AGBL4: variants seen among roughly 807,000 people sequenced by gnomAD.
AGBL4 encodes the protein AGBL carboxypeptidase 4.
A neutral mutation model predicts 66.4 loss-of-function variants in AGBL4; 58 were observed. The ratio of observed to expected loss-of-function variants is 0.87; its 90% CI spans 0.71 to 1.09. AGBL4 has a LOEUF of 1.09. Among genes scored for constraint, AGBL4 ranks in the 50% least tolerant of loss-of-function variants. The pLI, the probability that AGBL4 is intolerant of heterozygous loss-of-function variation, is 0.00. For synonymous variants in AGBL4, 234 were observed against 222.9 expected, an observed-to-expected ratio of 1.05 and a Z score of -0.44; for missense variants, 579 against 631.0, an observed-to-expected ratio of 0.92 and a Z score of 0.88.
chr1:49,768,340 C>A (rs1367601837), intron 2 of AGBL4, among the ~76,000 whole-genome samples: 1 of 152,202 alleles, frequency 6.6e-6, no homozygotes, highest in Non-Finnish European at 1.5e-5. Flanking sequence ...TTCAAGTAGG[C>A]TTTATTCCTG....
intron 3 of AGBL4, among the ~76,000 whole-genome samples, chr1:49,666,921 A>G (rs1247511940): frequency 6.6e-6 from 1 of 152,078 alleles, no homozygotes; most frequent in East Asian, 1.9e-4. Context: ...GCACTTTACT[A>G]TAATTGTCTC....
chr1:49,970,757 A>ACAAAC lies in AGBL4; in HGVS notation c.34+53005_34+53006insGTTTG, dbSNP rs1557629112. The stretch of plus-strand genomic sequence containing the variant: ...CACACACACACACACATACACAAAC[A>ACAAAC]AAAAAAAAAAACAGAACGGTGCCCA... On this transcript the variant is annotated intron_variant, in intron 1 of 13. Transcript: ENST00000371839. Among the ~76,000 whole-genome samples, 33 of 8,636 alleles carry ACAAAC rather than the reference A, an allele frequency of 3.8e-3. 1 individual carries two copies. The highest frequency in any genetic ancestry group is 0.017 in the South Asian group (3 of 176). The allele number at this position is 8,636 out of a possible 152,430, so 5.7% of individuals were successfully genotyped here. A position where few individuals can be genotyped will look rare whatever the true frequency, so the allele number is the denominator to read the frequency against.
chr1:48,765,555 G>A (rs142900736), intron 6 of AGBL4, among the ~76,000 whole-genome samples: 6 of 152,210 alleles, frequency 3.9e-5, no homozygotes, highest in East Asian at 1.9e-4. Flanking sequence ...CAGCAATTCC[G>A]CTCCTGGGTG....
At chr1:48,983,547 A>T (rs1007555104) in intron 5 of AGBL4, among the ~76,000 whole-genome samples, 1 of 152,238 alleles carries the variant, frequency 6.6e-6, no homozygotes, top group East Asian at 1.9e-4. Flanking sequence ...GGGGAAAAAA[A>T]CCTTATCCTA....
intron 3 of AGBL4, among the ~76,000 whole-genome samples, chr1:49,304,434 G>C (rs1644813004): frequency 6.6e-6 from 1 of 152,178 alleles, no homozygotes; most frequent in African/African-American, 2.4e-5. Context: ...AGAGGTATTA[G>C]ACTGGACTAC....
intron 3 of AGBL4, among the ~76,000 whole-genome samples, chr1:49,253,559 G>A (rs1652239052): frequency 6.6e-6 from 1 of 152,080 alleles, no homozygotes; most frequent in African/African-American, 2.4e-5. Context: ...AAAAGCTGGG[G>A]ACCAGATGGA....
chr1:48,737,623 CTT>C (rs1323384924), intron 6 of AGBL4, among the ~76,000 whole-genome samples: 1 of 152,206 alleles, frequency 6.6e-6, no homozygotes, highest in Non-Finnish European at 1.5e-5. Context: ...AAAACACAAT[CTT>C]ATGCTCCCTA....
chr1:49,436,103 T>G (rs1468533613), intron 3 of AGBL4, among the ~76,000 whole-genome samples: 1 of 152,120 alleles, frequency 6.6e-6, no homozygotes, highest in East Asian at 1.9e-4. Flanking sequence ...GATCAAGGAT[T>G]GCAACAGATA....
intron 4 of AGBL4, among the ~76,000 whole-genome samples, chr1:49,140,457 A>G (rs936085054): frequency 6.6e-6 from 1 of 152,216 alleles, no homozygotes; most frequent in Admixed American, 6.5e-5. Context: ...TGCCCCAGGA[A>G]AACAACCCAA....
intron 4 of AGBL4, among the ~76,000 whole-genome samples, chr1:49,211,963 T>C (rs1209804285): frequency 2.0e-5 from 3 of 152,074 alleles, no homozygotes; most frequent in Admixed American, 2.0e-4. Flanking sequence ...ACATGTATTA[T>C]CACATGTGAT....
chr1:49,374,627 G>A (rs767269411), intron 3 of AGBL4, among the ~76,000 whole-genome samples: 11 of 152,018 alleles, frequency 7.2e-5, no homozygotes, highest in Non-Finnish European at 1.3e-4. Flanking sequence ...GAATTTAGTC[G>A]AGTAGGAATC....
intron 3 of AGBL4, among the ~76,000 whole-genome samples, chr1:49,580,066 CT>C (rs1265402197): frequency 2.0e-5 from 3 of 151,920 alleles, no homozygotes; most frequent in African/African-American, 7.3e-5. Flanking sequence ...ATATAATAAC[CT>C]TCTTTGTCTT....
chr1:49,515,310 C>G lies in AGBL4; in HGVS notation c.282+182003G>C, dbSNP rs370062593. 2.2e-4 allele frequency among the ~76,000 whole-genome samples: 33 copies of G among 152,086 alleles called. 1 individual carries two copies. The highest frequency in any genetic ancestry group is 5.5e-4 in the African/African-American group (23 of 41,544). On this transcript the variant is annotated intron_variant, in intron 3 of 13. Transcript: ENST00000371839. Reference sequence around the variant, plus strand: ...AAATGCTCATCATCACTGGCCATCACAGAAATGCAAATCAAAACCACAATG... The same window carrying G: ...AAATGCTCATCATCACTGGCCATCAGAGAAATGCAAATCAAAACCACAATG...
At chr1:49,391,037 C>G (rs376453142) in intron 3 of AGBL4, among the ~76,000 whole-genome samples, 1 of 152,024 alleles carries the variant, frequency 6.6e-6, no homozygotes, top group African/African-American at 2.4e-5. Context: ...AGATGAAATT[C>G]TTAGAAAAGA....
At chr1:49,962,218 T>G (rs965265394) in intron 1 of AGBL4, among the ~76,000 whole-genome samples, 2 of 152,116 alleles carry the variant, frequency 1.3e-5, no homozygotes, top group African/African-American at 4.8e-5. Flanking sequence ...ATAGAGTGCA[T>G]GAATTTCATG....
At position 48,733,885 on chromosome 1, in the gene AGBL4, G is replaced by A. The variant is rs529734123; in HGVS notation, c.635-70644C>T. On this transcript the variant is annotated intron_variant, in intron 6 of 13. Coordinates refer to ENST00000371839, the MANE Select transcript of AGBL4 (RefSeq NM_032785.4). ...CACTATGTTTGGAAATGAGGCCACA[G>A]AGATGAATCAGATACAGTCCCCAGA... is the stretch of plus-strand genomic sequence containing the variant. Among the ~76,000 whole-genome samples the A allele has an allele frequency of 3.9e-5, 6 of 152,314 alleles. No homozygotes were observed. In the South Asian group the frequency reaches 1.2e-3, roughly 32 times the overall value.
rs371235727 is a variant in AGBL4, at chr1:49,737,320, G to A, written c.158-39883C>T. Among the ~76,000 whole-genome samples the A allele has an allele frequency of 6.6e-5, 10 of 151,872 alleles. No homozygotes were observed. In the East Asian group the frequency reaches 9.6e-4, roughly 15 times the overall value. On this transcript the variant is annotated intron_variant, in intron 2 of 13. Coordinates refer to ENST00000371839, the MANE Select transcript of AGBL4 (RefSeq NM_032785.4). ...ATGCTAGATTGGATAAAGAAAATGC[G>A]GTACATATATACCATGAAACACTAC...
In AGBL4 at chr1:48,774,961, A is replaced by C. The variant is rs188098266; in HGVS notation, c.634+92230T>G. Among the ~76,000 whole-genome samples, 8 of 152,352 alleles carry C rather than the reference A, an allele frequency of 5.3e-5. No homozygotes were observed. The East Asian group carries it at 1.5e-3, about 29-fold the overall frequency. ...TAGGAGTACAATACAATCGTCAAGA[A>C]GCATGCATGCATTTTCTTCTAGCAA... On this transcript the variant is annotated intron_variant, in intron 6 of 13. Transcript: ENST00000371839.
At chr1:49,885,364 T>G (rs1244115141) in intron 1 of AGBL4, among the ~76,000 whole-genome samples, 4 of 151,996 alleles carry the variant, frequency 2.6e-5, no homozygotes, top group African/African-American at 7.2e-5. Context: ...AATCTATATG[T>G]TTGGAAACTT....
Sources: allele counts gnomAD v4.1 joint callset (sites outside exome capture counted in the v4.1 genomes callset), GRCh38; gene constraint gnomAD v4.1.1; transcripts MANE v1.5; gene names NCBI Gene and HGNC (gene_info 2026-07-23, HGNC 2026-07-21).